The following SAMD5 variants were observed in gnomAD, a reference collection of about 807,000 sequenced individuals.
SAMD5 encodes the protein sterile alpha motif domain containing 5, also known as sterile alpha motif domain-containing protein 5.
Under a neutral mutation model 11.3 loss-of-function variants are expected in SAMD5, and 13 were observed. The ratio of observed to expected loss-of-function variants is 1.15; its 90% confidence interval spans 0.75 to 1.83. The LOEUF is 1.83. Among genes scored for constraint, SAMD5 ranks in the 40% most tolerant of loss-of-function variants. The pLI is 0.00. For missense variants in SAMD5, 255 were observed against 239.1 expected (o/e 1.07, Z -0.44); for synonymous variants, 129 against 111.3 (o/e 1.16, Z -1.00).
intron 1 of SAMD5, among the ~76,000 whole-genome samples, chr6:147,662,249 C>T (rs1482846907): frequency 6.6e-6 from 1 of 152,108 alleles, no homozygotes; most frequent in African/African-American, 2.4e-5. Flanking sequence ...GAAGTCCATC[C>T]CATTTTTTAT....
intron 1 of SAMD5, among the ~76,000 whole-genome samples, chr6:147,647,957 A>C (rs756119074): frequency 1.3e-5 from 2 of 152,192 alleles, no homozygotes; most frequent in Non-Finnish European, 2.9e-5. Flanking sequence ...GATTAAGTAA[A>C]TTGATCAAGG....
At chr6:147,831,876 T>C in the SAMD5 span, among the ~76,000 whole-genome samples, 8 of 152,210 alleles carry the variant, frequency 5.3e-5, no homozygotes, top group South Asian at 6.2e-4. Context: ...TCTTTTGATT[T>C]GGTAGAATAT....
At chr6:147,804,085 G>A in the SAMD5 span, among the ~76,000 whole-genome samples, 2 of 146,336 alleles carry the variant, frequency 1.4e-5, no homozygotes, top group African/African-American at 2.5e-5. Context: ...TCTTGTCTTT[G>A]TTATTTTTTC....
intron 1 of SAMD5, among the ~76,000 whole-genome samples, chr6:147,646,877 C>CCT (rs1790410599): frequency 6.6e-6 from 1 of 151,504 alleles, no homozygotes; most frequent in Non-Finnish European, 1.5e-5. Flanking sequence ...GTGGCTCATG[C>CCT]CTGTAATCCC....
chr6:147,704,578 G>GTA (rs1184349785), intron 1 of SAMD5, among the ~76,000 whole-genome samples: 1 of 152,160 alleles, frequency 6.6e-6, no homozygotes, highest in Non-Finnish European at 1.5e-5. Flanking sequence ...GCTGTGACAG[G>GTA]TAGTGGGGGT....
At chr6:147,880,605 G>T in the SAMD5 span, among the ~76,000 whole-genome samples, 2 of 152,246 alleles carry the variant, frequency 1.3e-5, no homozygotes, top group East Asian at 1.9e-4. Flanking sequence ...ATGTGGCTTT[G>T]GTCTGGACGT....
the SAMD5 span, among the ~76,000 whole-genome samples, chr6:147,802,628 A>G: frequency 1.0e-4 from 15 of 150,580 alleles, no homozygotes; most frequent in African/African-American, 3.4e-4. Flanking sequence ...GCCATTATTC[A>G]TAAGTCTAAA....
intron 1 of SAMD5, among the ~76,000 whole-genome samples, chr6:147,594,970 C>T (rs1789507882): frequency 6.6e-6 from 1 of 152,222 alleles, no homozygotes; most frequent in South Asian, 2.1e-4. Context: ...TCAACTAGTA[C>T]ATCCCTTTTC....
the SAMD5 span, among the ~76,000 whole-genome samples, chr6:147,859,446 C>T: frequency 6.6e-6 from 1 of 152,198 alleles, no homozygotes; most frequent in Admixed American, 6.5e-5. Context: ...ATACTGATGT[C>T]TGCTGATTTA....
chr6:147,568,605 T>C lies in SAMD5; in HGVS notation c.*4149T>C. On this transcript the variant is annotated 3_prime_UTR_variant, in exon 2 of 2. Coordinates refer to ENST00000367474, the MANE Select transcript of SAMD5 (RefSeq NM_001030060.3). ...GGAATTTTTTATATCAGCTGACATC[T>C]TGTGCTTACAGTAAAGCCATATAGA... 1.0e-6 allele frequency: 1 copy of C among 985,360 alleles called. No individual in the cohort carries two copies. Among genetic ancestry groups the C allele is most frequent in the Non-Finnish European group, 1.2e-6 (1 of 829,854 alleles). 61.0% of individuals were successfully genotyped at this position (985,360 alleles called of 1,614,324 possible).
At chr6:147,900,221 G>A in the SAMD5 span, among the ~76,000 whole-genome samples, 3 of 152,098 alleles carry the variant, frequency 2.0e-5, no homozygotes, top group South Asian at 2.1e-4. Flanking sequence ...ATGGAGGATC[G>A]GTCAAAGGAG....
the SAMD5 span, among the ~76,000 whole-genome samples, chr6:147,882,644 C>T: frequency 7.9e-5 from 12 of 152,160 alleles, 1 homozygote; most frequent in African/African-American, 2.2e-4. Flanking sequence ...GTAACCCTGG[C>T]GAAGCCACTC....
chr6:147,554,889 C>T (rs1417768131), intron 1 of SAMD5, among the ~76,000 whole-genome samples: 5 of 152,098 alleles, frequency 3.3e-5, no homozygotes, highest in South Asian at 2.1e-4. Context: ...CCCCAAGGCC[C>T]TTTCAGGGGG....
At chr6:147,787,130 AG>A in the SAMD5 span, among the ~76,000 whole-genome samples, 1 of 152,244 alleles carries the variant, frequency 6.6e-6, no homozygotes, top group African/African-American at 2.4e-5. Flanking sequence ...GTCCATAAAA[AG>A]GACCTACAAT....
At chr6:147,907,378 T>C in the SAMD5 span, among the ~76,000 whole-genome samples, 1 of 152,208 alleles carries the variant, frequency 6.6e-6, no homozygotes, top group Admixed American at 6.5e-5. Flanking sequence ...GCACATACGT[T>C]ACAGGATAAG....
At chr6:147,572,571 G>A (rs1789152888), downstream of SAMD5, among the ~76,000 whole-genome samples, 1 of 151,968 alleles carries the variant, frequency 6.6e-6, no homozygotes, top group Non-Finnish European at 1.5e-5. Flanking sequence ...AAACTTCTGG[G>A]CTCAAGAGAT....
chr6:147,658,121 G>C lies in SAMD5; in HGVS notation c.163-79196G>C, dbSNP rs540286673. Reference sequence around the variant, plus strand: ...TCTTGTCACTTTGTTCAAAGGAATAGTGTAAAACTTTCAGGCCAGTCCTAT... The same window carrying C: ...TCTTGTCACTTTGTTCAAAGGAATACTGTAAAACTTTCAGGCCAGTCCTAT... On this transcript the variant is annotated intron_variant, in intron 1 of 1. Transcript: ENST00000566741. Among the ~76,000 whole-genome samples the C allele has an allele frequency of 9.8e-5, 15 of 152,342 alleles. No individual in the cohort carries two copies. In the East Asian group the frequency reaches 2.9e-3, roughly 29 times the overall value.
intron 1 of SAMD5, among the ~76,000 whole-genome samples, chr6:147,584,571 C>A (rs982096617): frequency 2.6e-5 from 4 of 152,150 alleles, no homozygotes; most frequent in Non-Finnish European, 5.9e-5. Context: ...CAGTTCCTAG[C>A]CCATAGTCCT....
the SAMD5 span, among the ~76,000 whole-genome samples, chr6:147,806,279 C>G: frequency 1.3e-5 from 2 of 150,102 alleles, no homozygotes; most frequent in Non-Finnish European, 1.5e-5. Context: ...TAAGGGAAAT[C>G]TACTTCAAAA....
Sources: gnomAD v4.1 joint callset for allele counts (sites outside exome capture counted in the v4.1 genomes callset) on GRCh38, gnomAD v4.1.1 for gene constraint, MANE v1.5 for transcripts, NCBI Gene and HGNC (gene_info 2026-07-23, HGNC 2026-07-21) for gene names.